The following STX8 variants were observed in gnomAD, a reference collection of about 807,000 sequenced individuals.
STX8 encodes the protein syntaxin 8, also known as syntaxin-8.
A neutral mutation model predicts 37.5 loss-of-function variants in STX8; 23 were observed. The ratio of observed to expected loss-of-function variants is 0.61; its 90% confidence interval spans 0.44 to 0.87. The LOEUF (loss-of-function observed/expected upper bound fraction) is 0.87, where lower values mean the gene tolerates loss of function less well. Ranked by LOEUF, STX8 falls within the 40% of genes least tolerant of loss-of-function variation. STX8 has a pLI of 0.00. For synonymous variants in STX8, 115 were observed against 99.1 expected (o/e 1.16, Z -0.95); for missense variants, 313 against 284.7 (o/e 1.10, Z -0.71).
chr17:9,390,591 G>C (rs1378234736), intron 6 of STX8, among the ~76,000 whole-genome samples: 3 of 151,384 alleles, frequency 2.0e-5, no homozygotes, highest in Admixed American at 6.6e-5. Context: ...ACTTTGGGAG[G>C]CTGTGGCAGG....
intron 6 of STX8, among the ~76,000 whole-genome samples, chr17:9,441,455 A>C (rs1904648279): frequency 2.5e-5 from 1 of 40,406 alleles, no homozygotes; most frequent in Non-Finnish European, 4.2e-5. Context: ...GCACCACTGC[A>C]CTCCAACCTG....
rs559819861 is a variant in STX8, at chr17:9,487,405, T to TGC, written c.541+4422_541+4423dup. Among the ~76,000 whole-genome samples the TGC allele has an allele frequency of 3.0e-3, 458 of 152,222 alleles. 4 individuals are homozygous for TGC. The highest frequency in any genetic ancestry group is 1.1e-3 in the Non-Finnish European group (72 of 68,016). On this transcript the variant is annotated intron_variant, in intron 6 of 7. Coordinates refer to ENST00000306357, the MANE Select transcript of STX8 (RefSeq NM_004853.3). ...ATCACAATAAAAATCCAGATGGGGCTGCAGCCCCATTCTTAACACCTACAG... is the reference window on the plus strand; with the variant it reads ...ATCACAATAAAAATCCAGATGGGGCTGCGCAGCCCCATTCTTAACACCTACAG...
intron 7 of STX8, among the ~76,000 whole-genome samples, chr17:9,266,503 C>G (rs1489272282): frequency 1.3e-5 from 2 of 152,108 alleles, no homozygotes. Flanking sequence ...TGTTGGCCAC[C>G]AGCTGGTGGC....
intron 7 of STX8, among the ~76,000 whole-genome samples, chr17:9,254,005 C>T (rs1049681996): frequency 2.0e-5 from 3 of 152,154 alleles, no homozygotes; most frequent in African/African-American, 7.2e-5. Context: ...ACTGCTTTCC[C>T]CGGTCCCTGC....
chr17:9,378,602 C>A lies in STX8; in HGVS notation c.593G>T (p.Arg198Leu), dbSNP rs746211627. The change falls in exon 7 of 8, where the codon CGC becomes CTC. Residue 198 changes from arginine to leucine, a missense_variant. Coordinates refer to ENST00000306357, the MANE Select transcript of STX8 (RefSeq NM_004853.3). The part of the protein sequence containing the change: ...NLVENTDEKL[R>L]NETRRVNMVD... Reference sequence around the variant, plus strand: ...CATGTTTACCCGCCTGGTTTCATTGCGAAGTTTTTCATCTGTGTTCTCCAC... The same window carrying A: ...CATGTTTACCCGCCTGGTTTCATTGAGAAGTTTTTCATCTGTGTTCTCCAC... The A allele has an allele frequency of 5.6e-6, 9 of 1,613,826 alleles. 1 individual carries two copies. Among genetic ancestry groups the A allele is most frequent in the Middle Eastern group, 1.7e-4 (1 of 6,056 alleles).
chr17:9,416,525 C>T (rs1034962467), intron 6 of STX8, among the ~76,000 whole-genome samples: 5 of 152,120 alleles, frequency 3.3e-5, no homozygotes, highest in African/African-American at 7.2e-5. Flanking sequence ...CATGCCACCA[C>T]GCCCGGCTAA....
intron 7 of STX8, among the ~76,000 whole-genome samples, chr17:9,321,327 C>T (rs748866376): frequency 1.3e-5 from 2 of 151,814 alleles, no homozygotes; most frequent in East Asian, 3.9e-4. Flanking sequence ...GTCAGGAGTT[C>T]GAGATCAGCC....
intron 7 of STX8, 26 bp from the exon 8 acceptor site, chr17:9,250,671 A>G: frequency 6.4e-7 from 1 of 1,566,290 alleles, no homozygotes; most frequent in South Asian, 1.2e-5. Flanking sequence ...AGAAAATACT[A>G]CTTTTAATGA....
chr17:9,301,641 T>C (rs1002599311), intron 7 of STX8, among the ~76,000 whole-genome samples: 2 of 145,834 alleles, frequency 1.4e-5, no homozygotes, highest in South Asian at 2.1e-4. Context: ...TGCCACTATG[T>C]CCGGCCATTT....
At chr17:9,385,858 C>T (rs1911983561) in intron 6 of STX8, among the ~76,000 whole-genome samples, 1 of 152,226 alleles carries the variant, frequency 6.6e-6, no homozygotes, top group African/African-American at 2.4e-5. Flanking sequence ...ACTGCAACCT[C>T]CGCTTCCGAG....
chr17:9,561,762 T>G (rs1365049727), intron 2 of STX8, among the ~76,000 whole-genome samples: 1 of 152,094 alleles, frequency 6.6e-6, no homozygotes, highest in African/African-American at 2.4e-5. Context: ...GTAGAGATTT[T>G]TTTAAAAGAT....
At chr17:9,390,181 G>A (rs936447228) in intron 6 of STX8, among the ~76,000 whole-genome samples, 7 of 152,124 alleles carry the variant, frequency 4.6e-5, no homozygotes, top group East Asian at 3.9e-4. Context: ...GCTCCTTTCC[G>A]ACTTCCTCTT....
chr17:9,403,522 G>A lies in STX8; in HGVS notation c.542-24869C>T, dbSNP rs191806726. Reference sequence around the variant, plus strand: ...CCTTAGGAGGAAGTCAACAGATGTCGAAGACTGAAAACATTTAAGAAATAG... The same window carrying A: ...CCTTAGGAGGAAGTCAACAGATGTCAAAGACTGAAAACATTTAAGAAATAG... On this transcript the variant is annotated intron_variant, in intron 6 of 7. Coordinates refer to ENST00000306357, the MANE Select transcript of STX8 (RefSeq NM_004853.3). Among the ~76,000 whole-genome samples the A allele has an allele frequency of 1.2e-4, 19 of 152,210 alleles. No individual in the cohort carries two copies. In the East Asian group the frequency reaches 2.9e-3, roughly 23 times the overall value.
intron 7 of STX8, among the ~76,000 whole-genome samples, chr17:9,290,091 T>C (rs2142162924): frequency 6.6e-6 from 1 of 152,252 alleles, no homozygotes; most frequent in Admixed American, 6.5e-5. Context: ...GTCATGTCAG[T>C]ACAAGTACAT....
intron 4 of STX8, among the ~76,000 whole-genome samples, chr17:9,531,555 GACC>G (rs1302526358): frequency 6.6e-6 from 1 of 152,116 alleles, no homozygotes; most frequent in African/African-American, 2.4e-5. Flanking sequence ...GAGAGAGAGA[GACC>G]ACATTCTCAT....
chr17:9,462,301 G>C (rs1034544524), intron 6 of STX8, among the ~76,000 whole-genome samples: 3 of 152,208 alleles, frequency 2.0e-5, no homozygotes, highest in Admixed American at 2.0e-4. Flanking sequence ...AGCCCCTGGA[G>C]TGATCTAATG....
intron 7 of STX8, among the ~76,000 whole-genome samples, chr17:9,316,543 C>G (rs1171696216): frequency 1.3e-5 from 2 of 152,154 alleles, no homozygotes; most frequent in Non-Finnish European, 2.9e-5. Context: ...GGCTGCTGAC[C>G]ATGTGGCGGT....
At chr17:9,487,320 G>T (rs1355984718) in intron 6 of STX8, among the ~76,000 whole-genome samples, 1 of 152,156 alleles carries the variant, frequency 6.6e-6, no homozygotes, top group African/African-American at 2.4e-5. Flanking sequence ...TAAATCACAT[G>T]CAGATACTTG....
At chr17:9,282,904 C>CTTT (rs5819219) in intron 7 of STX8, among the ~76,000 whole-genome samples, 20 of 149,144 alleles carry the variant, frequency 1.3e-4, no homozygotes, top group African/African-American at 4.7e-4. Flanking sequence ...GGAGATGAAT[C>CTTT]TTTTTTTTTT....
Sources: allele counts gnomAD v4.1 joint callset (sites outside exome capture counted in the v4.1 genomes callset), GRCh38; gene constraint gnomAD v4.1.1; transcripts MANE v1.5; gene names NCBI Gene and HGNC (gene_info 2026-07-23, HGNC 2026-07-21).